KAT6B: variants seen among roughly 807,000 people sequenced by gnomAD.
KAT6B encodes the protein lysine acetyltransferase 6B, also known as histone acetyltransferase KAT6B.
KAT6B carries 10 observed loss-of-function variants against 187.5 expected under a neutral mutation model. That is an observed-to-expected ratio of 0.05 (90% confidence interval 0.03 to 0.09). KAT6B has a LOEUF of 0.09. Among genes scored for constraint, KAT6B ranks in the 10% least tolerant of loss-of-function variants. The pLI, the probability that KAT6B is intolerant of heterozygous loss-of-function variation, is 1.00. For missense variants in KAT6B, 1,952 were observed against 2,558.9 expected, an observed-to-expected ratio of 0.76 and a Z score of 5.12; for synonymous variants, 861 against 926.8, an observed-to-expected ratio of 0.93 and a Z score of 1.29.
At chr10:74,892,327 C>T (rs1845694512) in intron 3 of KAT6B, among the ~76,000 whole-genome samples, 1 of 152,168 alleles carries the variant, frequency 6.6e-6, no homozygotes, top group African/African-American at 2.4e-5. Context: ...ATATTTGCCC[C>T]ACTGCACTGC....
chr10:75,020,504 A>G (rs1309253514), intron 13 of KAT6B, 78 bp from the exon 14 acceptor site: 2 of 977,890 alleles, frequency 2.0e-6, no homozygotes, highest in Non-Finnish European at 1.6e-6. Context: ...GTCACTACTC[A>G]TATTATTTCT....
chr10:74,833,040 C>T (rs1050376178), intron 1 of KAT6B, among the ~76,000 whole-genome samples: 2 of 145,808 alleles, frequency 1.4e-5, no homozygotes, highest in Admixed American at 7.3e-5. Context: ...AAGGCTGGGG[C>T]AGGAGAGTCG....
At chr10:74,994,107 T>G (rs984059540) in intron 13 of KAT6B, among the ~76,000 whole-genome samples, 176 of 152,314 alleles carry the variant, frequency 1.2e-3, no homozygotes, top group Non-Finnish European at 2.9e-4. Flanking sequence ...ACTATGATAA[T>G]TACCAAATGG....
At chr10:74,947,120 C>T (rs1459670993) in intron 3 of KAT6B, among the ~76,000 whole-genome samples, 7 of 152,078 alleles carry the variant, frequency 4.6e-5, no homozygotes, top group Admixed American at 4.6e-4. Context: ...CCTCAGCCTC[C>T]CTAGTAGCTG....
At chr10:74,883,127 A>G (rs1486861568) in intron 3 of KAT6B, among the ~76,000 whole-genome samples, 1 of 152,232 alleles carries the variant, frequency 6.6e-6, no homozygotes, top group Non-Finnish European at 1.5e-5. Context: ...CACATGTAAA[A>G]TGGAAGGGAA....
At chr10:74,962,080 G>A (rs1438090060) in intron 4 of KAT6B, among the ~76,000 whole-genome samples, 1 of 152,170 alleles carries the variant, frequency 6.6e-6, no homozygotes, top group Non-Finnish European at 1.5e-5. Context: ...CTCTAGTGTT[G>A]AAGTTCACTT....
intron 11 of KAT6B, chr10:74,982,817 C>T (rs1378857198): frequency 6.6e-6 from 1 of 152,264 alleles, no homozygotes; most frequent in Non-Finnish European, 1.5e-5. Context: ...AACGTGATGT[C>T]CTCTTTCTCT....
At chr10:74,866,785 C>A (rs1475170710) in intron 3 of KAT6B, among the ~76,000 whole-genome samples, 1 of 152,120 alleles carries the variant, frequency 6.6e-6, no homozygotes, top group Non-Finnish European at 1.5e-5. Context: ...ATATTAGCAC[C>A]AAAATGAGAC....
At chr10:74,840,333 G>A (rs750739793) in intron 2 of KAT6B, among the ~76,000 whole-genome samples, 1 of 152,234 alleles carries the variant, frequency 6.6e-6, no homozygotes, top group Non-Finnish European at 1.5e-5. Context: ...AGTGGTCTAA[G>A]TTATGGCTGG....
Position 74,842,887 on chromosome 10 carries a change from A to C in KAT6B, c.30A>C (p.Thr10=). The change falls in exon 3 of 18, where the codon ACA becomes ACC. Residue 10 remains threonine, a synonymous_variant. Coordinates refer to ENST00000287239, the MANE Select transcript of KAT6B (RefSeq NM_012330.4). MVKLANPLY[T]EWILEAIQKI... ...TAAAACTTGCAAACCCACTTTATACAGAGTGGATTCTTGAAGCTATACAGA... is the reference window on the plus strand; with the variant it reads ...TAAAACTTGCAAACCCACTTTATACCGAGTGGATTCTTGAAGCTATACAGA... The C allele has an allele frequency of 6.2e-7, 1 of 1,614,234 alleles. No homozygotes were observed. Among genetic ancestry groups the C allele is most frequent in the Non-Finnish European group, 8.5e-7 (1 of 1,180,046 alleles).
intron 16 of KAT6B, among the ~76,000 whole-genome samples, chr10:75,023,964 G>A (rs1246098968): frequency 6.6e-6 from 1 of 152,066 alleles, no homozygotes; most frequent in East Asian, 1.9e-4. Context: ...TAATTTGGGG[G>A]GCAACAATTA....
chr10:74,891,045 G>C (rs1422462538), intron 3 of KAT6B, among the ~76,000 whole-genome samples: 1 of 152,152 alleles, frequency 6.6e-6, no homozygotes, highest in African/African-American at 2.4e-5. Context: ...ATGAATAAGA[G>C]GTAAAATTGA....
chr10:74,952,290 A>AG (rs11428647), intron 3 of KAT6B, among the ~76,000 whole-genome samples: 152,143 of 152,144 alleles, frequency 1, 76,071 homozygotes, highest in Middle Eastern at 1. Context: ...CTGGAGATCG[A>AG]GCTGGAGTGA....
Position 75,017,663 on chromosome 10 carries a change from A to C in KAT6B, c.2630-2919A>C, listed in dbSNP as rs914739770. Among the ~76,000 whole-genome samples the C allele has an allele frequency of 2.0e-5, 3 of 152,098 alleles. No homozygotes were observed. In the East Asian group the frequency reaches 5.8e-4, roughly 29 times the overall value. ...AAAGGTGGCAAGAAATTCGTTTTTT[A>C]AAACATCGCATGTTATGAGGGTCAG... On this transcript the variant is annotated intron_variant, in intron 13 of 17. Coordinates refer to ENST00000287239, the MANE Select transcript of KAT6B (RefSeq NM_012330.4).
intron 13 of KAT6B, among the ~76,000 whole-genome samples, chr10:74,991,842 A>G (rs1156591356): frequency 6.6e-6 from 1 of 152,236 alleles, no homozygotes; most frequent in African/African-American, 2.4e-5. Context: ...CTTGGCTATA[A>G]AAGTTTTAAG....
rs114836172 is a variant in KAT6B at position 75,013,482 on chromosome 10, G to T, written c.2630-7100G>T. 4.9e-3 allele frequency among the ~76,000 whole-genome samples: 748 copies of T among 152,134 alleles called. 7 individuals carry two copies. The highest frequency in any genetic ancestry group is 0.017 in the African/African-American group (713 of 41,478). On this transcript the variant is annotated intron_variant, in intron 13 of 17. Coordinates refer to ENST00000287239, the MANE Select transcript of KAT6B (RefSeq NM_012330.4). ...GTCTGAGTTCATGGAATGGTTTTTA[G>T]GTTCCTCAGGCAAAAGTAGGAAAAC...
chr10:74,965,981 C>T (rs937108723), intron 4 of KAT6B, among the ~76,000 whole-genome samples: 28 of 151,824 alleles, frequency 1.8e-4, no homozygotes, highest in African/African-American at 5.1e-4. Flanking sequence ...GTGATCCACC[C>T]GCCTTGGCCT....
In KAT6B at chr10:75,030,262, C is replaced by G; in HGVS notation, c.5438C>G (p.Ala1813Gly). Residue 1813 changes from alanine (A) to glycine (G), a missense_variant, in exon 18 of 18, where the codon GCC becomes GGC. Ala to Gly is a moderately conservative substitution (Grantham distance 60, BLOSUM62 0). Coordinates refer to ENST00000287239, the MANE Select transcript of KAT6B (RefSeq NM_012330.4). The surrounding 1 kb of genome is among the most constrained non-coding windows in gnomAD (Gnocchi z 4.8). Reference sequence around the variant, plus strand: ...GCTGGGCATTACCCGCAGCCGTCAGCCACCTTCAGCCTTGCCAAACTGCAG... The same window carrying G: ...GCTGGGCATTACCCGCAGCCGTCAGGCACCTTCAGCCTTGCCAAACTGCAG... Reference protein sequence around the residue: ...FGAGHYPQPSATFSLAKLQQL... With the variant: ...FGAGHYPQPSGTFSLAKLQQL... 3 of 1,614,242 alleles carry G rather than the reference C, an allele frequency of 1.9e-6. No homozygotes were observed. The highest frequency in any genetic ancestry group is 2.5e-6 in the Non-Finnish European group (3 of 1,180,036).
intron 11 of KAT6B, 135 bp downstream of exon 11, chr10:74,982,063 C>T: frequency 1.3e-6 from 1 of 752,042 alleles, no homozygotes; most frequent in Non-Finnish European, 2.3e-6. Context: ...CCCTTTAAAA[C>T]ATCTCCATGT....
Sources: gnomAD v4.1 joint callset for allele counts (sites outside exome capture counted in the v4.1 genomes callset) on GRCh38, gnomAD v4.1.1 for gene constraint, Gnocchi (gnomAD v3.1) non-coding constraint, MANE v1.5 for transcripts, NCBI Gene and HGNC (gene_info 2026-07-23, HGNC 2026-07-21) for gene names.